The following C6orf136 variants were observed in gnomAD, a reference collection of about 807,000 sequenced individuals.
C6orf136 encodes uncharacterized protein C6orf136.
A neutral mutation model predicts 44.0 loss-of-function variants in C6orf136; 29 were observed. The observed-to-expected ratio is 0.66, with a 90% CI of 0.49 to 0.90. The LOEUF is 0.90. Ranked by LOEUF, C6orf136 falls within the 40% of genes least tolerant of loss-of-function variation. The pLI, the probability that C6orf136 is intolerant of heterozygous loss-of-function variation, is 0.00. For missense variants in C6orf136, 628 were observed against 669.3 expected, an observed-to-expected ratio of 0.94 and a Z score of 0.68; for synonymous variants, 293 against 278.6, an observed-to-expected ratio of 1.05 and a Z score of -0.52.
intron 1 of C6orf136, among the ~76,000 whole-genome samples, chr6:30,648,761 C>T (rs369362297): frequency 3.4e-5 from 5 of 146,122 alleles, no homozygotes; most frequent in Admixed American, 2.7e-4. Flanking sequence ...AATCCCAGCA[C>T]TTTGGGAGGC....
Position 30,649,595 on chromosome 6 carries a change from T to G in C6orf136, c.653T>G (p.Leu218Arg), listed in dbSNP as rs1767209896. 6.3e-7 allele frequency: 1 copy of G among 1,594,310 alleles called. No homozygotes were observed. Among genetic ancestry groups the G allele is most frequent in the Non-Finnish European group, 8.5e-7 (1 of 1,174,880 alleles). Residue 218 changes from leucine to arginine, a missense_variant, in exon 2 of 6, where the codon CTT becomes CGT. Physicochemically the swap from Leu to Arg is moderately radical, Grantham distance 102. Coordinates refer to ENST00000651131, the MANE Select transcript of C6orf136 (RefSeq NM_001161376.2). ...LYPGTLPFPP[L>R]WPHSTTTTSP... The stretch of plus-strand genomic sequence containing the variant: ...CCAGGGACTCTACCATTCCCACCCC[T>G]TTGGCCCCACTCCACGACAACCACT...
Position 30,647,490 on chromosome 6 carries a change from G to A in C6orf136, c.259G>A (p.Ala87Thr). The A allele has an allele frequency of 2.0e-6, 3 of 1,493,168 alleles. No individual in the cohort carries two copies. Among genetic ancestry groups the A allele is most frequent in the Non-Finnish European group, 2.7e-6 (3 of 1,114,710 alleles). The allele number at this position is 1,493,168 out of a possible 1,614,324, so 92.5% of individuals were successfully genotyped here. ...VAGAGGRRCR[A>T]CRARTSVLPG... ...GGGAGCGGGAGGGAGGCGCTGCCGG[G>A]CCTGTCGCGCAAGGACGTCGGTCCT... The change falls in exon 1 of 6, where the codon GCC becomes ACC. Residue 87 changes from alanine (A) to threonine (T), a missense_variant. Around this residue, in one of 2 missense-constraint regions of C6orf136, gnomAD observed 497 missense variants for 469.2 expected, o/e 1.06. Transcript: ENST00000651131. The surrounding 1 kb of genome is among the most constrained non-coding windows in gnomAD (Gnocchi z 4.8).
chr6:30,648,399 CT>C (rs57790985), intron 1 of C6orf136, among the ~76,000 whole-genome samples: 3,516 of 135,230 alleles, frequency 0.026, 64 homozygotes, highest in Middle Eastern at 0.051. Flanking sequence ...GTGTTGGAAT[CT>C]TTTTTTTTTT....
At position 30,652,679 on chromosome 6, in the gene C6orf136, A is replaced by G. The variant is rs1767546770; in HGVS notation, c.1339A>G (p.Asn447Asp). 1.2e-6 allele frequency: 2 copies of G among 1,612,946 alleles called. No individual in the cohort carries two copies. The highest frequency in any genetic ancestry group is 1.7e-6 in the Non-Finnish European group (2 of 1,180,028). The change falls in exon 5 of 6, where the codon AAT becomes GAT. Residue 447 changes from asparagine (N) to aspartate (D), a missense_variant. By Grantham distance (23) the Asn-to-Asp change is conservative. Coordinates refer to ENST00000651131, the MANE Select transcript of C6orf136 (RefSeq NM_001161376.2). ...TGATGCCTACTCCACTTTCTACCTG[A>G]ATTCCAGTGGCCTCATTTGTCGCCA... ...TYDAYSTFYLNSSGLICRHRL... is the reference protein window; with the variant it reads ...TYDAYSTFYLDSSGLICRHRL...
chr6:30,647,412 C>T lies in C6orf136; in HGVS notation c.181C>T (p.Pro61Ser), dbSNP rs1383405257. ...GGGTTCCGCGCAGGCGCAGAGACAC[C>T]CGCCGCCCCTTCCCACCTGTGCCCT... Reference protein sequence around the residue: ...ALGSAQAQRHPPPLPTCALQR... With the variant: ...ALGSAQAQRHSPPLPTCALQR... The change falls in exon 1 of 6, where the codon CCG becomes TCG. Residue 61 changes from proline to serine, a missense_variant. Around this residue, in one of 2 missense-constraint regions of C6orf136, gnomAD observed 497 missense variants for 469.2 expected, o/e 1.06. Coordinates refer to ENST00000651131, the MANE Select transcript of C6orf136 (RefSeq NM_001161376.2). This position sits in a 1 kb window ranked among gnomAD's most constrained non-coding sequence, Gnocchi z 4.8. 2.2e-5 allele frequency: 33 copies of T among 1,469,084 alleles called. No homozygotes were observed. Among genetic ancestry groups the T allele is most frequent in the Non-Finnish European group, 2.9e-5 (32 of 1,108,534 alleles). The allele number at this position is 1,469,084 out of a possible 1,614,324, so 91.0% of individuals were successfully genotyped here.
rs1767582672 is a variant in C6orf136 at position 30,652,934 on chromosome 6, AG to A, written c.*21del. ...GCCCTGATCCTTGACCTTGGAGTGG[AG>A]GCAGCACTGAAGACTGCTACGCCCA... is the stretch of plus-strand genomic sequence containing the variant. On this transcript the variant is annotated 3_prime_UTR_variant, in exon 6 of 6. Transcript: ENST00000651131. 4 of 1,599,542 alleles carry A rather than the reference AG, an allele frequency of 2.5e-6. No homozygotes were observed. Among genetic ancestry groups the A allele is most frequent in the Non-Finnish European group, 3.4e-6 (4 of 1,168,468 alleles).
At chr6:30,650,266 C>T (rs754510723) in intron 2 of C6orf136, among the ~76,000 whole-genome samples, 18 of 151,102 alleles carry the variant, frequency 1.2e-4, no homozygotes, top group African/African-American at 3.2e-4. Context: ...TGGTGGCAGA[C>T]GCCTATAATC....
chr6:30,650,289 G>T (rs149501336), intron 2 of C6orf136, among the ~76,000 whole-genome samples: 1 of 151,542 alleles, frequency 6.6e-6, no homozygotes, highest in Non-Finnish European at 1.5e-5. Context: ...AGCTACTCAG[G>T]AGGCTGAGGC....
Position 30,647,915 on chromosome 6 carries a change from G to A in C6orf136, c.615+69G>A. 1 of 1,423,934 alleles carries A rather than the reference G, an allele frequency of 7.0e-7. No homozygotes were observed. The highest frequency in any genetic ancestry group is 9.1e-7 in the Non-Finnish European group (1 of 1,093,226). 88.2% of individuals were successfully genotyped at this position (1,423,934 alleles called of 1,614,324 possible). A position where few individuals can be genotyped will look rare whatever the true frequency, so the allele number is the denominator to read the frequency against. On this transcript the variant is annotated intron_variant, in intron 1 of 5. Transcript: ENST00000651131. This position sits in a 1 kb window ranked among gnomAD's most constrained non-coding sequence, Gnocchi z 4.8. ...CCTGGGGGGTTCCTTGGGAGCGGAG[G>A]GACTCGGGTGAGGCCTAACTTTGGG...
At position 30,647,928 on chromosome 6, in the gene C6orf136, G is replaced by T. The variant is rs1299269033; in HGVS notation, c.615+82G>T. ...TTGGGAGCGGAGGGACTCGGGTGAG[G>T]CCTAACTTTGGGTGACCTCCCCTTG... is the stretch of plus-strand genomic sequence containing the variant. On this transcript the variant is annotated intron_variant, in intron 1 of 5. Coordinates refer to ENST00000651131, the MANE Select transcript of C6orf136 (RefSeq NM_001161376.2). The surrounding 1 kb of genome is among the most constrained non-coding windows in gnomAD (Gnocchi z 4.8). The T allele has an allele frequency of 3.5e-6, 5 of 1,418,812 alleles. No homozygotes were observed. Among genetic ancestry groups the T allele is most frequent in the African/African-American group, 1.5e-5 (1 of 67,974 alleles). The allele number at this position is 1,418,812 out of a possible 1,614,324, so 87.9% of individuals were successfully genotyped here. A position where few individuals can be genotyped will look rare whatever the true frequency, so the allele number is the denominator to read the frequency against.
At position 30,647,375 on chromosome 6, in the gene C6orf136, G is replaced by A. The variant is rs748320980; in HGVS notation, c.144G>A (p.Ala48=). ...CCTCCTCAAAGCCGGTGCGTGGGGC[G>A]GAGCGCGCGCTGGGTTCCGCGCAGG... is the stretch of plus-strand genomic sequence containing the variant. ...ERPSSKPVRG[A]ERALGSAQAQ... The change falls in exon 1 of 6, where the codon GCG becomes GCA. Residue 48 remains alanine, a synonymous_variant. Coordinates refer to ENST00000651131, the MANE Select transcript of C6orf136 (RefSeq NM_001161376.2). The surrounding 1 kb of genome is among the most constrained non-coding windows in gnomAD (Gnocchi z 4.8). The A allele has an allele frequency of 1.6e-5, 24 of 1,500,362 alleles. No individual in the cohort carries two copies. The African/African-American group carries it at 2.0e-4, about 13-fold the overall frequency. The allele number at this position is 1,500,362 out of a possible 1,614,324, so 92.9% of individuals were successfully genotyped here.
chr6:30,652,239 TCACACACACACA>T lies in C6orf136; in HGVS notation c.1308-376_1308-365del, dbSNP rs5875269. ...GCCTGGGTGACAGAGTGAAACCCTG[TCACACACACACA>T]CACACACACACACACACACACACAC... On this transcript the variant is annotated intron_variant, in intron 4 of 5. Transcript: ENST00000651131. Among the ~76,000 whole-genome samples, 1,297 of 142,702 alleles carry T rather than the reference TCACACACACACA, an allele frequency of 9.1e-3. 18 individuals carry two copies. Among genetic ancestry groups the T allele is most frequent in the African/African-American group, 0.025 (969 of 38,178 alleles). The allele number at this position is 142,702 out of a possible 152,430, so 93.6% of individuals were successfully genotyped here.
intron 1 of C6orf136, among the ~76,000 whole-genome samples, chr6:30,648,390 T>C (rs1767072206): frequency 6.6e-6 from 1 of 151,370 alleles, no homozygotes; most frequent in African/African-American, 2.4e-5. Context: ...CTGCCCCCAG[T>C]GTTGGAATCT....
At position 30,652,675 on chromosome 6, in the gene C6orf136, C is replaced by T; in HGVS notation, c.1335C>T (p.Tyr445=). The stretch of plus-strand genomic sequence containing the variant: ...CCTATGATGCCTACTCCACTTTCTA[C>T]CTGAATTCCAGTGGCCTCATTTGTC... ...YRTYDAYSTF[Y]LNSSGLICRH... The change falls in exon 5 of 6, where the codon TAC becomes TAT. Residue 445 remains tyrosine (Y), a synonymous_variant. Coordinates refer to ENST00000651131, the MANE Select transcript of C6orf136 (RefSeq NM_001161376.2). 6.2e-7 allele frequency: 1 copy of T among 1,613,104 alleles called. No homozygotes were observed. The highest frequency in any genetic ancestry group is 8.5e-7 in the Non-Finnish European group (1 of 1,180,032).
rs115584387 is a variant in C6orf136, at chr6:30,652,378, A to G, written c.1308-270A>G. On this transcript the variant is annotated intron_variant, in intron 4 of 5. Coordinates refer to ENST00000651131, the MANE Select transcript of C6orf136 (RefSeq NM_001161376.2). ...GAGTAGAATCCCAATAAATTGTTAG[A>G]CTCAGCCACAAACATTGGATATAAG... Among the ~76,000 whole-genome samples, 1,193 of 152,218 alleles carry G rather than the reference A, an allele frequency of 7.8e-3. 18 individuals are homozygous for G. Among genetic ancestry groups the G allele is most frequent in the East Asian group, 0.044 (228 of 5,190 alleles).
chr6:30,649,407 G>A lies in C6orf136; in HGVS notation c.616-151G>A. ...ATGGTTTCCTCCTGTTTTCAGTAGA[G>A]ATGGAGATGAATCCATCCCTTTTTT... On this transcript the variant is annotated intron_variant, in intron 1 of 5. Coordinates refer to ENST00000651131, the MANE Select transcript of C6orf136 (RefSeq NM_001161376.2). 6 of 659,866 alleles carry A rather than the reference G, an allele frequency of 9.1e-6. No homozygotes were observed. The South Asian group carries it at 1.4e-4, about 15-fold the overall frequency. 40.9% of individuals were successfully genotyped at this position (659,866 alleles called of 1,614,324 possible).
chr6:30,649,257 G>A (rs1767179620), intron 1 of C6orf136, among the ~76,000 whole-genome samples: 1 of 152,146 alleles, frequency 6.6e-6, no homozygotes, highest in Non-Finnish European at 1.5e-5. Flanking sequence ...CAGCTACTCA[G>A]GAGGCTGAGG....
chr6:30,651,277 G>A lies in C6orf136; in HGVS notation c.1118G>A (p.Trp373Ter). 2 of 1,614,022 alleles carry A rather than the reference G, an allele frequency of 1.2e-6. No homozygotes were observed. The highest frequency in any genetic ancestry group is 1.7e-6 in the Non-Finnish European group (2 of 1,180,032). Residue 373 changes from tryptophan to a stop codon, truncating the protein, a stop_gained, in exon 4 of 6, where the codon TGG (tryptophan) becomes TAG (stop). Coordinates refer to ENST00000651131, the MANE Select transcript of C6orf136 (RefSeq NM_001161376.2). LOFTEE classifies it high-confidence loss of function. ...TCCCTTCTTCACAGGGGCCGGACAT[G>A]GTACATTCTTTCACTGACCCTCTGC... ...ILNIRTKGRT[W>*]YILSLTLCRF...
intron 1 of C6orf136, among the ~76,000 whole-genome samples, chr6:30,648,399 CTTT>C (rs57790985): frequency 3.7e-5 from 5 of 135,354 alleles, no homozygotes; most frequent in Non-Finnish European, 6.5e-5. Context: ...GTGTTGGAAT[CTTT>C]TTTTTTTTTT....
Sources: gnomAD v4.1 joint callset for allele counts (sites outside exome capture counted in the v4.1 genomes callset) on GRCh38, gnomAD v4.1.1 for gene constraint, gnomAD v4.1.1 regional missense constraint, Gnocchi (gnomAD v3.1) non-coding constraint, MANE v1.5 for transcripts, NCBI Gene and HGNC (gene_info 2026-07-23, HGNC 2026-07-21) for gene names.